The following CCDC102B variants were observed in gnomAD, a reference collection of about 807,000 sequenced individuals.
CCDC102B encodes coiled-coil domain-containing protein 102B.
Under a neutral mutation model 57.4 loss-of-function variants are expected in CCDC102B, and 75 were observed. That is an observed-to-expected ratio of 1.31 (90% CI 1.08 to 1.58). The LOEUF is 1.58. Ranked by LOEUF, CCDC102B falls within the 40% of genes most tolerant of loss-of-function variation. The probability of loss-of-function intolerance (pLI) is 0.00; values close to 1 mark genes in which losing one functional copy is unlikely to be tolerated. For synonymous variants in CCDC102B, 206 were observed against 201.9 expected (o/e 1.02, Z -0.17); for missense variants, 636 against 582.6 (o/e 1.09, Z -0.94).
chr18:68,995,803 C>T (rs2051010799), intron 6 of CCDC102B, among the ~76,000 whole-genome samples: 1 of 152,108 alleles, frequency 6.6e-6, no homozygotes, highest in Admixed American at 6.5e-5. Context: ...AAGAGGGCCA[C>T]CATCCTCCAG....
chr18:68,846,537 G>T, intron 4 of CCDC102B, 116 bp downstream of exon 4: 1 of 554,064 alleles, frequency 1.8e-6, no homozygotes, highest in Non-Finnish European at 3.1e-6. Context: ...TTAAAAATTG[G>T]AATTTCCTCT....
intron 7 of CCDC102B, among the ~76,000 whole-genome samples, chr18:69,035,146 A>G (rs1599878469): frequency 6.6e-6 from 1 of 152,076 alleles, no homozygotes; most frequent in East Asian, 1.9e-4. Context: ...TTGCATTACT[A>G]GTATACCATA....
intron 1 of CCDC102B, among the ~76,000 whole-genome samples, chr18:68,802,738 A>C (rs1031438757): frequency 3.9e-5 from 6 of 152,174 alleles, no homozygotes; most frequent in Admixed American, 3.9e-4. Context: ...TGTTTATCTG[A>C]ATTAATATAA....
At chr18:68,743,001 A>T (rs73970703) in intron 2 of CCDC102B, among the ~76,000 whole-genome samples, 13,668 of 152,082 alleles carry the variant, frequency 0.09, 875 homozygotes, top group African/African-American at 0.18. Context: ...TTAGGGCCAA[A>T]TTTTTAACTT....
chr18:68,782,217 G>C (rs1005544685), intron 2 of CCDC102B, among the ~76,000 whole-genome samples: 1 of 151,714 alleles, frequency 6.6e-6, no homozygotes, highest in South Asian at 2.1e-4. Context: ...TTTTTATTCC[G>C]CTTATCACCC....
intron 5 of CCDC102B, among the ~76,000 whole-genome samples, chr18:68,885,870 A>G (rs927707923): frequency 6.6e-5 from 10 of 152,026 alleles, no homozygotes; most frequent in African/African-American, 2.2e-4. Flanking sequence ...AGTGACACTC[A>G]TATTATGTTC....
At chr18:68,742,364 T>C (rs1318766347) in intron 2 of CCDC102B, among the ~76,000 whole-genome samples, 1 of 152,212 alleles carries the variant, frequency 6.6e-6, no homozygotes, top group African/African-American at 2.4e-5. Context: ...CCTACTCCAT[T>C]GTGACCTCAA....
chr18:69,002,352 A>T (rs1433859357), intron 6 of CCDC102B, among the ~76,000 whole-genome samples: 1 of 152,188 alleles, frequency 6.6e-6, no homozygotes, highest in Non-Finnish European at 1.5e-5. Context: ...CTGCCTAAAG[A>T]TGACATCCCT....
intron 1 of CCDC102B, among the ~76,000 whole-genome samples, chr18:68,808,548 G>T (rs530265440): frequency 4.1e-4 from 53 of 129,516 alleles, no homozygotes; most frequent in African/African-American, 1.5e-3. Context: ...CGCTATCTCC[G>T]CTCACTGCAA....
intron 6 of CCDC102B, among the ~76,000 whole-genome samples, chr18:68,920,559 G>A (rs2041241933): frequency 6.6e-6 from 1 of 152,040 alleles, no homozygotes; most frequent in East Asian, 1.9e-4. Flanking sequence ...GAATCATGGT[G>A]AGAGGTGAAA....
chr18:68,834,454 T>TATATATA (rs1568275774), intron 1 of CCDC102B, among the ~76,000 whole-genome samples: 2 of 146,868 alleles, frequency 1.4e-5, no homozygotes, highest in South Asian at 2.1e-4. Flanking sequence ...TATATATATA[T>TATATATA]TTGCTGTGTT....
intron 3 of CCDC102B, among the ~76,000 whole-genome samples, chr18:68,841,924 A>T (rs924393439): frequency 6.6e-6 from 1 of 151,832 alleles, no homozygotes; most frequent in African/African-American, 2.4e-5. Flanking sequence ...TTTTTAGTAG[A>T]GACGGGGTTT....
chr18:68,760,297 G>A (rs1259893746), intron 2 of CCDC102B, among the ~76,000 whole-genome samples: 3 of 151,946 alleles, frequency 2.0e-5, no homozygotes, highest in African/African-American at 7.2e-5. Flanking sequence ...ACACCCCAAC[G>A]ACCTGTAATA....
At chr18:68,849,147 C>T (rs1284314514) in intron 4 of CCDC102B, among the ~76,000 whole-genome samples, 1 of 151,946 alleles carries the variant, frequency 6.6e-6, no homozygotes, top group African/African-American at 2.4e-5. Flanking sequence ...CTCAAAATAC[C>T]TTTCTGATTT....
chr18:68,758,280 GTA>G lies in CCDC102B; in HGVS notation c.-67+41694_-67+41695del, dbSNP rs995956454. Among the ~76,000 whole-genome samples, 2 of 151,374 alleles carry G rather than the reference GTA, an allele frequency of 1.3e-5. 1 individual carries two copies. The highest frequency in any genetic ancestry group is 4.2e-4 in the South Asian group (2 of 4,790). On this transcript the variant is annotated intron_variant, in intron 2 of 3. Coordinates refer to the CCDC102B transcript ENST00000578970. ...ATATGTATATAGAGGTATCACATAT[GTA>G]TATATATGTTATATATATAAAAATA...
rs1426958366 is a variant in CCDC102B at position 68,837,028 on chromosome 18, G to C, written c.265G>C (p.Glu89Gln). The C allele has an allele frequency of 6.2e-7, 1 of 1,614,176 alleles. No homozygotes were observed. The highest frequency in any genetic ancestry group is 8.5e-7 in the Non-Finnish European group (1 of 1,180,036). ...AGTCAAGGCCAGAGCTGCTCAGATG[G>C]AAAAGACCATGCGGTGGTGGTCGGA... ...EEVKARAAQM[E>Q]KTMRWWSDCT... The change falls in exon 2 of 8, where the codon GAA becomes CAA. Residue 89 changes from glutamate to glutamine, a missense_variant. Physicochemically the swap from Glu to Gln is conservative, Grantham distance 29. Coordinates refer to ENST00000360242, the MANE Select transcript of CCDC102B (RefSeq NM_024781.3).
intron 6 of CCDC102B, among the ~76,000 whole-genome samples, chr18:68,919,124 G>A (rs1877409345): frequency 6.6e-6 from 1 of 151,814 alleles, no homozygotes; most frequent in Admixed American, 6.6e-5. Flanking sequence ...TTGGAAAGAT[G>A]TATTCTATGA....
intron 2 of CCDC102B, among the ~76,000 whole-genome samples, chr18:68,718,800 A>G (rs949447587): frequency 5.3e-5 from 8 of 152,298 alleles, no homozygotes; most frequent in Admixed American, 3.9e-4. Flanking sequence ...AAGAGTTCCC[A>G]GGTGATGCTG....
intron 2 of CCDC102B, among the ~76,000 whole-genome samples, chr18:68,761,423 T>A (rs1599422476): frequency 6.6e-6 from 1 of 152,036 alleles, no homozygotes; most frequent in Non-Finnish European, 1.5e-5. Flanking sequence ...ACTAGTATAT[T>A]CTGTTTACGT....
Sources: gnomAD v4.1 joint callset for allele counts (sites outside exome capture counted in the v4.1 genomes callset) on GRCh38, gnomAD v4.1.1 for gene constraint, MANE v1.5 for transcripts, NCBI Gene and HGNC (gene_info 2026-07-23, HGNC 2026-07-21) for gene names.